Variants in PRKN observed in about 807,000 individuals in gnomAD.
PRKN encodes E3 ubiquitin-protein ligase parkin.
A neutral mutation model predicts 59.5 loss-of-function variants in PRKN; 56 were observed. The observed-to-expected ratio is 0.94, with a 90% confidence interval of 0.76 to 1.18. PRKN has a LOEUF of 1.18. Ranked by LOEUF, PRKN falls within the 50% of genes most tolerant of loss-of-function variation. The pLI is 0.00. For missense variants in PRKN, 657 were observed against 596.4 expected (o/e 1.10, Z -1.06); for synonymous variants, 250 against 222.1 (o/e 1.13, Z -1.12).
chr6:162,371,039 C>T lies in PRKN; in HGVS notation c.171+72271G>A, dbSNP rs897095858. Among the ~76,000 whole-genome samples, 8 of 152,304 alleles carry T rather than the reference C, an allele frequency of 5.3e-5. No individual in the cohort carries two copies. In the South Asian group the frequency reaches 1.0e-3, roughly 20 times the overall value. ...CATCACTGGTTATCAAACATCCTGA[C>T]CCAAGTCAAAGCCAGACGAAGACAG... On this transcript the variant is annotated intron_variant, in intron 2 of 11. Coordinates refer to ENST00000366898, the MANE Select transcript of PRKN (RefSeq NM_004562.3).
chr6:161,594,249 A>T, intron 7 of PRKN, among the ~76,000 whole-genome samples: 1 of 152,300 alleles, frequency 6.6e-6, no homozygotes, highest in East Asian at 1.9e-4. Flanking sequence ...AGATGTAGAA[A>T]TCAACAAAAA....
intron 1 of PRKN, among the ~76,000 whole-genome samples, chr6:162,716,076 G>A (rs1403549475): frequency 2.6e-5 from 4 of 152,158 alleles, no homozygotes; most frequent in Admixed American, 2.0e-4. Flanking sequence ...CACGCCTAGT[G>A]CCTATCATAA....
chr6:161,691,413 G>T (rs1246953267), intron 7 of PRKN, among the ~76,000 whole-genome samples: 1 of 152,222 alleles, frequency 6.6e-6, no homozygotes, highest in Non-Finnish European at 1.5e-5. Flanking sequence ...TGCTTTCCAA[G>T]ACTTTTTCTA....
chr6:162,376,726 A>C (rs1266439330), intron 2 of PRKN, among the ~76,000 whole-genome samples: 1 of 131,612 alleles, frequency 7.6e-6, no homozygotes, highest in South Asian at 3.1e-4. Context: ...AGGGAAGGGG[A>C]GAGGGAGGGA....
intron 5 of PRKN, among the ~76,000 whole-genome samples, chr6:161,974,887 A>G (rs779347773): frequency 6.6e-5 from 10 of 152,068 alleles, no homozygotes; most frequent in Non-Finnish European, 1.2e-4. Flanking sequence ...ACACTTCTCA[A>G]CTTGGCCTTG....
rs1351386842 is a variant in PRKN, at chr6:161,405,101, T to C, written c.1084-18224A>G. ...TCCAGCTCTGACTCTTTAAACTGAA[T>C]GCTGATTTATCTCTCCAAATATCTC... On this transcript the variant is annotated intron_variant, in intron 9 of 11. Transcript: ENST00000366898. This position sits in a 1 kb window ranked among gnomAD's most constrained non-coding sequence, Gnocchi z 5.1. 6.6e-6 allele frequency among the ~76,000 whole-genome samples: 1 copy of C among 152,208 alleles called. No individual in the cohort carries two copies. Among genetic ancestry groups the C allele is most frequent in the Non-Finnish European group, 1.5e-5 (1 of 68,040 alleles).
At chr6:162,265,826 C>T (rs1264866765) in intron 2 of PRKN, among the ~76,000 whole-genome samples, 4 of 152,180 alleles carry the variant, frequency 2.6e-5, no homozygotes, top group African/African-American at 7.2e-5. Context: ...AGGCCGCGGG[C>T]ACCCTCGCTG....
chr6:162,278,123 G>A (rs960179858), intron 2 of PRKN, among the ~76,000 whole-genome samples: 42 of 152,152 alleles, frequency 2.8e-4, no homozygotes, highest in African/African-American at 1.0e-3. Context: ...GAAATGACAT[G>A]GAGGAACCTT....
chr6:162,398,502 T>G (rs1436422108), intron 2 of PRKN, among the ~76,000 whole-genome samples: 9 of 152,110 alleles, frequency 5.9e-5, no homozygotes, highest in Non-Finnish European at 1.2e-4. Context: ...GCGATTCTCC[T>G]GCCTCAGCCT....
intron 1 of PRKN, among the ~76,000 whole-genome samples, chr6:162,667,883 T>C (rs1052066805): frequency 2.6e-5 from 4 of 152,156 alleles, no homozygotes; most frequent in South Asian, 2.1e-4. Flanking sequence ...AATTAAATGA[T>C]ACATGCAAAG....
intron 9 of PRKN, among the ~76,000 whole-genome samples, chr6:161,418,866 C>T (rs751962318): frequency 3.3e-5 from 5 of 152,132 alleles, no homozygotes; most frequent in Non-Finnish European, 5.9e-5. Context: ...AAACATTTTG[C>T]GGTTGACTTT....
chr6:162,714,562 A>C (rs533614526), intron 1 of PRKN, among the ~76,000 whole-genome samples: 12 of 152,326 alleles, frequency 7.9e-5, no homozygotes, highest in Non-Finnish European at 1.5e-4. Context: ...TCCATCAATC[A>C]CGGAGTAGCC....
At chr6:162,549,696 T>C (rs1286287930) in intron 1 of PRKN, among the ~76,000 whole-genome samples, 1 of 148,802 alleles carries the variant, frequency 6.7e-6, no homozygotes, top group African/African-American at 2.5e-5. Flanking sequence ...TGAAGTGCAG[T>C]GGTGCAATCT....
rs34038024 is a variant in PRKN, at chr6:161,460,926, CT to C, written c.1084-74050del. Among the ~76,000 whole-genome samples the C allele has an allele frequency of 2.0e-3, 281 of 143,000 alleles. No homozygotes were observed. Among genetic ancestry groups the C allele is most frequent in the Admixed American group, 2.0e-3 (28 of 14,288 alleles). The allele number at this position is 143,000 out of a possible 152,430, so 93.8% of individuals were successfully genotyped here. On this transcript the variant is annotated intron_variant, in intron 9 of 11. Transcript: ENST00000366898. The surrounding 1 kb of genome is among the most constrained non-coding windows in gnomAD (Gnocchi z 5.0). ...CACCACGCCCAGCTAATTTTTCTTTCTTTTTTTTTTTTAGCAGAGACGGGGT... is the reference window on the plus strand; with the variant it reads ...CACCACGCCCAGCTAATTTTTCTTTCTTTTTTTTTTTAGCAGAGACGGGGT...
chr6:162,325,588 C>T (rs1483246367), intron 2 of PRKN, among the ~76,000 whole-genome samples: 1 of 152,044 alleles, frequency 6.6e-6, no homozygotes. Context: ...ACTGGTGAGA[C>T]CTACAAACTA....
chr6:161,970,998 T>A (rs531681172), intron 6 of PRKN, among the ~76,000 whole-genome samples: 144 of 152,306 alleles, frequency 9.5e-4, no homozygotes, highest in African/African-American at 3.4e-3. Flanking sequence ...AAGAAAGAGT[T>A]CTTCTCTCTT....
At chr6:162,386,905 C>G (rs531180294) in intron 2 of PRKN, among the ~76,000 whole-genome samples, 2 of 152,092 alleles carry the variant, frequency 1.3e-5, no homozygotes, top group African/African-American at 4.8e-5. Flanking sequence ...ATATAGACTA[C>G]GTCAATAAGG....
chr6:161,474,122 C>T (rs1583116329), intron 9 of PRKN, among the ~76,000 whole-genome samples: 2 of 152,278 alleles, frequency 1.3e-5, no homozygotes, highest in Non-Finnish European at 2.9e-5. Context: ...TAAGTCACTC[C>T]ACCTCTCCTG....
At chr6:161,877,069 G>A (rs1298218331) in intron 6 of PRKN, among the ~76,000 whole-genome samples, 1 of 152,150 alleles carries the variant, frequency 6.6e-6, no homozygotes, top group Non-Finnish European at 1.5e-5. Flanking sequence ...GGACGCAAAT[G>A]ATTCAATGCC....
Sources: allele counts gnomAD v4.1 joint callset (sites outside exome capture counted in the v4.1 genomes callset), GRCh38; gene constraint gnomAD v4.1.1; non-coding constraint Gnocchi (gnomAD v3.1); transcripts MANE v1.5; gene names NCBI Gene and HGNC (gene_info 2026-07-23, HGNC 2026-07-21).